EIF4B: variants seen among roughly 807,000 people sequenced by gnomAD.
EIF4B encodes eukaryotic translation initiation factor 4B.
A neutral mutation model predicts 79.3 loss-of-function variants in EIF4B; 8 were observed. The ratio of observed to expected loss-of-function variants is 0.10; its 90% CI spans 0.06 to 0.18. EIF4B has a LOEUF of 0.18. Ranked by LOEUF, EIF4B falls within the 10% of genes least tolerant of loss-of-function variation. The probability of loss-of-function intolerance (pLI) is 1.00; values close to 1 mark genes in which losing one functional copy is unlikely to be tolerated. For synonymous variants in EIF4B, 238 were observed against 274.7 expected (o/e 0.87, Z 1.32); for missense variants, 515 against 792.4 (o/e 0.65, Z 4.20).
intron 1 of EIF4B, among the ~76,000 whole-genome samples, chr12:53,013,249 C>T (rs1222609307): frequency 6.6e-6 from 1 of 152,140 alleles, no homozygotes; most frequent in Non-Finnish European, 1.5e-5. Context: ...TTGAACTTGA[C>T]CTTATTGTAC....
At chr12:53,012,691 C>T (rs1393890606) in intron 1 of EIF4B, among the ~76,000 whole-genome samples, 1 of 151,028 alleles carries the variant, frequency 6.6e-6, no homozygotes, top group African/African-American at 2.4e-5. Flanking sequence ...CTGCAAGCTC[C>T]GCCTCCCGGG....
intron 8 of EIF4B, among the ~76,000 whole-genome samples, chr12:53,031,022 C>T (rs1275510916): frequency 6.6e-6 from 1 of 151,952 alleles, no homozygotes; most frequent in Non-Finnish European, 1.5e-5. Flanking sequence ...CTAAGATTTG[C>T]CCTCTTGTCT....
At position 53,034,542 on chromosome 12, in the gene EIF4B, G is replaced by T. The variant is rs1943504175; in HGVS notation, c.1209-70G>T. ...ATGAAGTAAGTGATGGTTCTTGAGG[G>T]GTCAGCATGGGTCTAAGGTGGCCTT... On this transcript the variant is annotated intron_variant, in intron 9 of 14. Transcript: ENST00000262056. 6 of 1,412,356 alleles carry T rather than the reference G, an allele frequency of 4.2e-6. No individual in the cohort carries two copies. The Admixed American group carries it at 1.0e-4, about 24-fold the overall frequency. 87.5% of individuals were successfully genotyped at this position (1,412,356 alleles called of 1,614,324 possible).
At chr12:53,023,532 A>G (rs1311095236) in intron 6 of EIF4B, among the ~76,000 whole-genome samples, 1 of 151,152 alleles carries the variant, frequency 6.6e-6, no homozygotes, top group African/African-American at 2.4e-5. Context: ...CGCCTGGCCC[A>G]TCAGTTGCAT....
At chr12:53,018,654 C>T (rs1943186193) in intron 2 of EIF4B, 144 bp from the exon 3 acceptor site, 1 of 721,964 alleles carries the variant, frequency 1.4e-6, no homozygotes, top group Non-Finnish European at 2.3e-6. Flanking sequence ...CGTAAAGTGC[C>T]CTTATTACTG....
chr12:53,014,246 T>A (rs1420946739), intron 1 of EIF4B, among the ~76,000 whole-genome samples: 85 of 133,232 alleles, frequency 6.4e-4, no homozygotes, highest in Non-Finnish European at 1.2e-3. Flanking sequence ...ACTGTGAAAC[T>A]AAAAAAAAAA....
At chr12:53,021,901 AG>A in intron 5 of EIF4B, 41 bp downstream of exon 5, 1 of 1,612,550 alleles carries the variant, frequency 6.2e-7, no homozygotes, top group Non-Finnish European at 8.5e-7. Flanking sequence ...TAATGGTCCC[AG>A]GATGACACCA....
At chr12:53,034,072 G>A (rs770749306) in intron 9 of EIF4B, 38 bp downstream of exon 9, 3 of 1,566,084 alleles carry the variant, frequency 1.9e-6, no homozygotes, top group Admixed American at 3.8e-5. Flanking sequence ...TAGGAATCCG[G>A]TGGTTCGTAA....
intron 6 of EIF4B, among the ~76,000 whole-genome samples, chr12:53,024,979 AC>A (rs1194982867): frequency 5.9e-5 from 9 of 152,142 alleles, no homozygotes; most frequent in Admixed American, 5.9e-4. Flanking sequence ...TTTGTGAGGT[AC>A]CTTTTGAGCT....
chr12:53,022,040 C>T, intron 5 of EIF4B, 180 bp downstream of exon 5: 1 of 696,266 alleles, frequency 1.4e-6, no homozygotes, highest in Non-Finnish European at 2.4e-6. Context: ...GTAGTTGTCA[C>T]AATTGGAGGG....
chr12:53,029,835 A>T (rs926333761), intron 8 of EIF4B, among the ~76,000 whole-genome samples: 2 of 152,132 alleles, frequency 1.3e-5, no homozygotes, highest in South Asian at 2.1e-4. Context: ...TGGCAATTCT[A>T]TTGCAGTGAG....
chr12:53,021,777 G>A (rs771588094), intron 4 of EIF4B, 29 bp from the exon 5 acceptor site: 41 of 1,614,106 alleles, frequency 2.5e-5, no homozygotes, highest in Non-Finnish European at 3.1e-5. Flanking sequence ...TGGGGCAAAA[G>A]GTTGGTTAAT....
At chr12:53,036,972 C>T (rs1943550863) in intron 10 of EIF4B, among the ~76,000 whole-genome samples, 1 of 152,218 alleles carries the variant, frequency 6.6e-6, no homozygotes, top group Non-Finnish European at 1.5e-5. Context: ...AGGCGAGAGC[C>T]ACTGCACCCA....
rs143395955 is a variant in EIF4B, at chr12:53,019,423, T to TTA, written c.360+431_360+432dup. On this transcript the variant is annotated intron_variant, in intron 3 of 14. Transcript: ENST00000262056. ...TCAAAGAAAAAAAATAAAATCAAAA[T>TTA]TATATATATATATATTTTTTTTTTT... 1.3e-3 allele frequency among the ~76,000 whole-genome samples: 83 copies of TTA among 65,850 alleles called. 1 individual carries two copies. Among genetic ancestry groups the TTA allele is most frequent in the Middle Eastern group, 8.1e-3 (1 of 124 alleles). 43.2% of individuals were successfully genotyped at this position (65,850 alleles called of 152,430 possible). A position where few individuals can be genotyped will look rare whatever the true frequency, so the allele number is the denominator to read the frequency against.
At chr12:53,033,593 G>A (rs1420176709) in intron 8 of EIF4B, among the ~76,000 whole-genome samples, 3 of 151,716 alleles carry the variant, frequency 2.0e-5, no homozygotes, top group Non-Finnish European at 2.9e-5. Context: ...CACCCGCCTC[G>A]GCCTCCCAAA....
At chr12:53,021,519 A>T (rs1471436922) in intron 4 of EIF4B, among the ~76,000 whole-genome samples, 1 of 152,240 alleles carries the variant, frequency 6.6e-6, no homozygotes, top group East Asian at 1.9e-4. Context: ...AATTTACTAC[A>T]CTTGACAAAT....
At chr12:53,008,621 A>G (rs1482850043) in intron 1 of EIF4B, 1 of 152,248 alleles carries the variant, frequency 6.6e-6, no homozygotes, top group African/African-American at 2.4e-5. Flanking sequence ...AGTGTGATCC[A>G]TTATTGACCT....
At chr12:53,037,913 G>A in intron 11 of EIF4B, 1 of 417,006 alleles carries the variant, frequency 2.4e-6, no homozygotes. Context: ...CAGTATGGTA[G>A]GGGGTAACTT....
rs966204770 is a variant in EIF4B at position 53,028,134 on chromosome 12, T to G, written c.925T>G (p.Ser309Ala). The part of the protein sequence containing the change: ...EDRYDRRDDR[S>A]WSSRDDYSRD... ...CCGATATGACAGACGGGATGATCGG[T>G]CGTGGAGCTCCAGAGATGATTACTC... The change falls in exon 8 of 15, where the codon TCG (serine) becomes GCG (alanine). Residue 309 changes from serine (S) to alanine (A), a missense_variant. Physicochemically the swap from Ser to Ala is moderately conservative, Grantham distance 99. Coordinates refer to ENST00000262056, the MANE Select transcript of EIF4B (RefSeq NM_001417.7). The G allele has an allele frequency of 1.2e-6, 2 of 1,613,748 alleles. No individual in the cohort carries two copies. The highest frequency in any genetic ancestry group is 2.7e-5 in the African/African-American group (2 of 74,984).
Sources: allele counts gnomAD v4.1 joint callset (sites outside exome capture counted in the v4.1 genomes callset), GRCh38; gene constraint gnomAD v4.1.1; transcripts MANE v1.5; gene names NCBI Gene and HGNC (gene_info 2026-07-23, HGNC 2026-07-21).